KLRG1: variants seen among roughly 807,000 people sequenced by gnomAD.
KLRG1 encodes the protein killer cell lectin like receptor G1.
KLRG1 carries 16 observed loss-of-function variants against 21.8 expected under a neutral mutation model. The ratio of observed to expected loss-of-function variants is 0.73; its 90% CI spans 0.50 to 1.11. The LOEUF (loss-of-function observed/expected upper bound fraction) is 1.11, where lower values mean the gene tolerates loss of function less well. KLRG1 is among the 50% of genes most tolerant of loss of function. KLRG1 has a pLI of 0.00. For missense variants in KLRG1, 173 were observed against 218.3 expected, an observed-to-expected ratio of 0.79 and a Z score of 1.31; for synonymous variants, 69 against 75.9, an observed-to-expected ratio of 0.91 and a Z score of 0.47.
At chr12:9,202,784 AAGG>A in the KLRG1 span, 5 of 1,104,484 alleles carry the variant, frequency 4.5e-6, no homozygotes, top group African/African-American at 1.6e-5. Flanking sequence ...CAGCTTCACC[AAGG>A]AGAAGGAAGG....
At chr12:9,200,035 G>A in the KLRG1 span, among the ~76,000 whole-genome samples, 13 of 152,248 alleles carry the variant, frequency 8.5e-5, no homozygotes, top group African/African-American at 2.6e-4. Flanking sequence ...TCGTGTTGTC[G>A]CAGAAGTGGA....
At chr12:9,059,997 T>C in the KLRG1 span, among the ~76,000 whole-genome samples, 5 of 55,996 alleles carry the variant, frequency 8.9e-5, no homozygotes, top group African/African-American at 4.9e-4. Context: ...CCCTGGCATC[T>C]TTTTTTTTTT....
the KLRG1 span, among the ~76,000 whole-genome samples, chr12:9,120,887 T>TGTGTGTGTGTA: frequency 3.9e-5 from 2 of 51,774 alleles, no homozygotes; most frequent in Non-Finnish European, 9.7e-5. Context: ...GTGTGTGTAT[T>TGTGTGTGTGTA]TTTTTTTTTC....
At chr12:9,142,459 C>A in the KLRG1 span, among the ~76,000 whole-genome samples, 20 of 152,288 alleles carry the variant, frequency 1.3e-4, no homozygotes, top group African/African-American at 1.9e-4. Flanking sequence ...TGTATGCTGG[C>A]AACTCTTAAA....
the KLRG1 span, among the ~76,000 whole-genome samples, chr12:9,060,045 C>T: frequency 8.7e-4 from 109 of 125,576 alleles, 2 homozygotes; most frequent in East Asian, 0.023. Flanking sequence ...CGCTCTGTCG[C>T]CCAGGCTGGA....
the KLRG1 span, chr12:9,194,100 A>G: frequency 1.9e-6 from 3 of 1,613,762 alleles, no homozygotes; most frequent in Non-Finnish European, 2.5e-6. Context: ...TTATTAACCG[A>G]GATACTGGTA....
At chr12:9,114,206 G>A in the KLRG1 span, among the ~76,000 whole-genome samples, 1 of 152,140 alleles carries the variant, frequency 6.6e-6, no homozygotes, top group Non-Finnish European at 1.5e-5. Flanking sequence ...TGGTCCTCTG[G>A]TGATTGACTT....
chr12:9,026,040 G>A, the KLRG1 span, among the ~76,000 whole-genome samples: 1 of 152,206 alleles, frequency 6.6e-6, no homozygotes, highest in Non-Finnish European at 1.5e-5. Context: ...AACATTTTCA[G>A]TGATTTCAAT....
At chr12:9,142,548 T>C in the KLRG1 span, among the ~76,000 whole-genome samples, 57 of 152,360 alleles carry the variant, frequency 3.7e-4, 2 homozygotes, top group African/African-American at 1.3e-3. Flanking sequence ...CTTTTACTTT[T>C]CCTCTAAAAA....
At chr12:9,091,333 A>G in the KLRG1 span, 1 of 1,614,206 alleles carries the variant, frequency 6.2e-7, no homozygotes, top group East Asian at 2.2e-5. Context: ...TGGAAGAGAT[A>G]CCAAGTCCAG....
chr12:9,088,556 A>T, the KLRG1 span, among the ~76,000 whole-genome samples: 6 of 152,338 alleles, frequency 3.9e-5, no homozygotes, highest in Non-Finnish European at 7.4e-5. Flanking sequence ...CGAAAAACAT[A>T]CTAAATTTGT....
the KLRG1 span, chr12:9,090,133 A>G: frequency 2.0e-4 from 292 of 1,482,750 alleles, 2 homozygotes; most frequent in Non-Finnish European, 2.6e-5. Flanking sequence ...TTATTAAAAC[A>G]CAGAAGCAGG....
intron 1 of KLRG1, among the ~76,000 whole-genome samples, chr12:8,954,907 G>A (rs777969861): frequency 6.6e-6 from 1 of 152,068 alleles, no homozygotes; most frequent in Admixed American, 6.5e-5. Context: ...GTCATGAAAT[G>A]TACAACTCTT....
At chr12:8,959,497 A>C (rs545537619) in intron 1 of KLRG1, among the ~76,000 whole-genome samples, 3 of 152,136 alleles carry the variant, frequency 2.0e-5, no homozygotes, top group Non-Finnish European at 4.4e-5. Context: ...TGCCTGCCAA[A>C]GTAGTAGTTA....
chr12:9,119,227 T>G, the KLRG1 span, among the ~76,000 whole-genome samples: 1 of 152,218 alleles, frequency 6.6e-6, no homozygotes, highest in Non-Finnish European at 1.5e-5. Flanking sequence ...ATAATTTAAA[T>G]GGTTTCTAAG....
At chr12:9,191,994 T>C in the KLRG1 span, among the ~76,000 whole-genome samples, 1 of 152,214 alleles carries the variant, frequency 6.6e-6, no homozygotes. Context: ...GCAGAGTGAC[T>C]GATACAGAGT....
At chr12:9,145,281 T>C in the KLRG1 span, among the ~76,000 whole-genome samples, 1 of 152,182 alleles carries the variant, frequency 6.6e-6, no homozygotes, top group Non-Finnish European at 1.5e-5. Context: ...TTGTGTTTTA[T>C]TGTTTTTTTG....
chr12:9,106,670 G>T, the KLRG1 span: 1 of 790,366 alleles, frequency 1.3e-6, no homozygotes, highest in Non-Finnish European at 2.0e-6. Context: ...TCAGTGGTCA[G>T]ATAACCGGTG....
the KLRG1 span, among the ~76,000 whole-genome samples, chr12:9,052,086 T>C: frequency 6.6e-6 from 1 of 152,334 alleles, no homozygotes; most frequent in Non-Finnish European, 1.5e-5. Flanking sequence ...ATGTGCCTTA[T>C]ATAAGAGCGT....
Sources: gnomAD v4.1 joint callset for allele counts (sites outside exome capture counted in the v4.1 genomes callset) on GRCh38, gnomAD v4.1.1 for gene constraint, MANE v1.5 for transcripts, NCBI Gene and HGNC (gene_info 2026-07-23, HGNC 2026-07-21) for gene names.